The following LRPPRC variants were observed in gnomAD, a reference collection of about 807,000 sequenced individuals.
LRPPRC encodes leucine-rich PPR motif-containing protein, mitochondrial.
In LRPPRC, 120 loss-of-function variants were observed where a neutral mutation model predicts 180.3. The observed-to-expected ratio is 0.67, with a 90% CI of 0.57 to 0.77. The LOEUF is 0.77. LRPPRC is among the 30% of genes least tolerant of loss of function. The pLI is 0.00. For synonymous variants in LRPPRC, 723 were observed against 600.0 expected (o/e 1.21, Z -3.00); for missense variants, 2,012 against 1,657.2 (o/e 1.21, Z -3.72).
At chr2:43,903,798 A>C (rs1240297621) in intron 31 of LRPPRC, 1 of 152,260 alleles carries the variant, frequency 6.6e-6, no homozygotes, top group Non-Finnish European at 1.5e-5. Flanking sequence ...CCCTGAAATT[A>C]GAAAAGTGTT....
intron 25 of LRPPRC, among the ~76,000 whole-genome samples, chr2:43,931,359 T>C (rs997134958): frequency 1.2e-4 from 19 of 152,180 alleles, no homozygotes; most frequent in African/African-American, 4.1e-4. Context: ...CAGTAAAGAA[T>C]GGCATAGAGA....
rs775059305 is a variant in LRPPRC, at chr2:43,932,875, C to T, written c.2736+1315G>A. 9.2e-5 allele frequency among the ~76,000 whole-genome samples: 14 copies of T among 152,268 alleles called. No homozygotes were observed. In the East Asian group the frequency reaches 1.7e-3, roughly 19 times the overall value. ...CTCTTCTGCCTCTGGCTCTATTACACCTTACTACACAAAGACAGGCACATG... is the reference window on the plus strand; with the variant it reads ...CTCTTCTGCCTCTGGCTCTATTACATCTTACTACACAAAGACAGGCACATG... On this transcript the variant is annotated intron_variant, in intron 25 of 37. Transcript: ENST00000260665.
rs747533693 is a variant in LRPPRC, at chr2:43,899,269, G to A, written c.3775C>T (p.Leu1259Phe). 1 of 1,614,088 alleles carries A rather than the reference G, an allele frequency of 6.2e-7. No homozygotes were observed. The highest frequency in any genetic ancestry group is 8.5e-7 in the Non-Finnish European group (1 of 1,179,998). Residue 1259 changes from leucine (L) to phenylalanine (F), a missense_variant, in exon 34 of 38, where the codon CTT becomes TTT. By Grantham distance (22) the Leu-to-Phe change is conservative. Coordinates refer to ENST00000260665, the MANE Select transcript of LRPPRC (RefSeq NM_133259.4). ...AIYKPVTDFF[L>F]QLVDAGKVDD... ...ACCTTGCCTGCATCCACAAGTTGAA[G>A]GAAAAAATCAGTGACAGGTTTATAA... is the stretch of plus-strand genomic sequence containing the variant.
At chr2:43,981,230 T>C (rs1674293463) in intron 2 of LRPPRC, among the ~76,000 whole-genome samples, 1 of 149,240 alleles carries the variant, frequency 6.7e-6, no homozygotes, top group African/African-American at 2.6e-5. Flanking sequence ...AAAGCTGTCT[T>C]ATATGATCAT....
intron 27 of LRPPRC, among the ~76,000 whole-genome samples, chr2:43,923,883 C>T (rs1349615551): frequency 2.0e-5 from 3 of 152,112 alleles, no homozygotes; most frequent in African/African-American, 7.2e-5. Context: ...AGTGCTCAAA[C>T]ACAGATTATA....
intron 35 of LRPPRC, chr2:43,896,409 C>T (rs1670689140): frequency 2.4e-6 from 1 of 424,790 alleles, no homozygotes. Context: ...TTGGGGCTCT[C>T]AATGCATACC....
intron 29 of LRPPRC, among the ~76,000 whole-genome samples, chr2:43,913,587 A>G (rs780349280): frequency 1.3e-5 from 2 of 152,206 alleles, no homozygotes; most frequent in Non-Finnish European, 2.9e-5. Flanking sequence ...TGTCAAAGAA[A>G]TATTTATCCC....
chr2:43,962,710 A>G (rs776699262), intron 12 of LRPPRC, among the ~76,000 whole-genome samples: 1 of 152,230 alleles, frequency 6.6e-6, no homozygotes, highest in Admixed American at 6.5e-5. Flanking sequence ...GTAGAAAAAC[A>G]AAGGTTTGAA....
intron 1 of LRPPRC, among the ~76,000 whole-genome samples, chr2:43,984,936 C>A (rs2103754889): frequency 6.6e-6 from 1 of 152,140 alleles, no homozygotes; most frequent in East Asian, 1.9e-4. Context: ...TCAAATTACC[C>A]ATAAATGTTT....
At chr2:43,982,600 T>C (rs1027807691) in intron 1 of LRPPRC, among the ~76,000 whole-genome samples, 166 bp from the exon 2 acceptor site, 1 of 152,210 alleles carries the variant, frequency 6.6e-6, no homozygotes, top group Non-Finnish European at 1.5e-5. Context: ...TAGCTTTTAC[T>C]TTAGATAAAA....
intron 36 of LRPPRC, among the ~76,000 whole-genome samples, chr2:43,890,872 C>T (rs1297850617): frequency 6.6e-6 from 1 of 152,208 alleles, no homozygotes; most frequent in Non-Finnish European, 1.5e-5. Flanking sequence ...ATGGTAAGGG[C>T]TCTGCTAACA....
At chr2:43,991,496 T>C (rs991652499) in intron 1 of LRPPRC, among the ~76,000 whole-genome samples, 1 of 152,330 alleles carries the variant, frequency 6.6e-6, no homozygotes. Flanking sequence ...TCCAAACAGA[T>C]TGAGCTCAAA....
chr2:43,994,197 C>G (rs1674915201), intron 1 of LRPPRC, among the ~76,000 whole-genome samples: 1 of 152,184 alleles, frequency 6.6e-6, no homozygotes, highest in Non-Finnish European at 1.5e-5. Context: ...GTTCTGTGCT[C>G]AGAGGCATGA....
intron 25 of LRPPRC, among the ~76,000 whole-genome samples, chr2:43,933,594 C>G (rs1408312601): frequency 6.6e-6 from 1 of 152,056 alleles, no homozygotes; most frequent in Non-Finnish European, 1.5e-5. Flanking sequence ...TGGCCCTTGA[C>G]TTATCAATTC....
rs182085765 is a variant in LRPPRC, at chr2:43,895,291, A to G, written c.3901-662T>C. 1.6e-3 allele frequency among the ~76,000 whole-genome samples: 242 copies of G among 152,316 alleles called. 1 individual carries two copies. The highest frequency in any genetic ancestry group is 5.6e-3 in the African/African-American group (234 of 41,568). ...ATCTGGCTTAACTATTCTACTGTCAAGCAATGGAACACTGTTAACAGGCAT... is the reference window on the plus strand; with the variant it reads ...ATCTGGCTTAACTATTCTACTGTCAGGCAATGGAACACTGTTAACAGGCAT... On this transcript the variant is annotated intron_variant, in intron 35 of 37. Transcript: ENST00000260665.
chr2:43,960,565 T>A lies in LRPPRC; in HGVS notation c.1558A>T (p.Asn520Tyr). The A allele has an allele frequency of 6.3e-7, 1 of 1,594,564 alleles. No homozygotes were observed. Among genetic ancestry groups the A allele is most frequent in the Non-Finnish European group, 8.6e-7 (1 of 1,163,454 alleles). ...AGLRSEAANG[N>Y]LDFVLSFLKS... Reference sequence around the variant, plus strand: ...CAAAATGATAATACAAAGTCTAAGTTCCCATTTGCTGCTTCACTTCTCAAT... The same window carrying A: ...CAAAATGATAATACAAAGTCTAAGTACCCATTTGCTGCTTCACTTCTCAAT... The change falls in exon 13 of 38, where the codon AAC (asparagine) becomes TAC (tyrosine). Residue 520 changes from asparagine (N) to tyrosine (Y), a missense_variant. By Grantham distance (143) the Asn-to-Tyr change is moderately radical (BLOSUM62 -2). Transcript: ENST00000260665.
chr2:43,958,971 T>C (rs1395729326), intron 13 of LRPPRC: 3 of 428,614 alleles, frequency 7.0e-6, no homozygotes, highest in Admixed American at 4.1e-5. Context: ...CTATTCAAAA[T>C]AGTATTCTAC....
chr2:43,886,345 T>C lies in LRPPRC; in HGVS notation c.*2255A>G, dbSNP rs1375842168. On this transcript the variant is annotated 3_prime_UTR_variant, in exon 38 of 38. Coordinates refer to ENST00000260665, the MANE Select transcript of LRPPRC (RefSeq NM_133259.4). ...CAATAGTTTACAGTGACATCTTTTT[T>C]AGAATTAGCTGCTTATAATTTGAGT... Among the ~76,000 whole-genome samples, 1 of 152,232 alleles carries C rather than the reference T, an allele frequency of 6.6e-6. No individual in the cohort carries two copies. The highest frequency in any genetic ancestry group is 1.5e-5 in the Non-Finnish European group (1 of 68,048).
Position 43,918,030 on chromosome 2 carries a change from T to C in LRPPRC, c.3143A>G (p.Lys1048Arg). 1.2e-6 allele frequency: 2 copies of C among 1,610,834 alleles called. No homozygotes were observed. Among genetic ancestry groups the C allele is most frequent in the South Asian group, 2.2e-5 (2 of 90,952 alleles). ...CCATCCCCGTATGTGCTTGCCTTTTTTTTGGTTCAATCGGCAGGCAATCAA... is the reference window on the plus strand; with the variant it reads ...CCATCCCCGTATGTGCTTGCCTTTTCTTTGGTTCAATCGGCAGGCAATCAA... Reference protein sequence around the residue: ...DILIACRLNQKKGAYDIFLNA... With the variant: ...DILIACRLNQRKGAYDIFLNA... The change falls in exon 29 of 38, where the codon AAA becomes AGA. Residue 1048 changes from lysine to arginine, a missense_variant. Physicochemically the swap from Lys to Arg is conservative, Grantham distance 26 (BLOSUM62 2). Transcript: ENST00000260665.
Sources: gnomAD v4.1 joint callset for allele counts (sites outside exome capture counted in the v4.1 genomes callset) on GRCh38, gnomAD v4.1.1 for gene constraint, MANE v1.5 for transcripts, NCBI Gene and HGNC (gene_info 2026-07-23, HGNC 2026-07-21) for gene names.